MYCT1: variants seen among roughly 807,000 people sequenced by gnomAD.
MYCT1 encodes the protein myc target protein 1.
MYCT1 carries 12 observed loss-of-function variants against 15.0 expected under a neutral mutation model. The observed-to-expected ratio is 0.80, with a 90% CI of 0.51 to 1.29. MYCT1 has a LOEUF of 1.29. Among genes scored for constraint, MYCT1 ranks in the 50% most tolerant of loss-of-function variants. The pLI is 0.00. For missense variants in MYCT1, 287 were observed against 279.1 expected, an observed-to-expected ratio of 1.03 and a Z score of -0.20; for synonymous variants, 104 against 102.7, an observed-to-expected ratio of 1.01 and a Z score of -0.07.
At chr6:152,732,527 T>C in the MYCT1 span, among the ~76,000 whole-genome samples, 2 of 152,110 alleles carry the variant, frequency 1.3e-5, no homozygotes, top group Non-Finnish European at 2.9e-5. Context: ...GCAATAAAAA[T>C]ACATAAATAT....
At chr6:152,714,293 T>C (rs2099723249) in intron 1 of MYCT1, among the ~76,000 whole-genome samples, 1 of 140,250 alleles carries the variant, frequency 7.1e-6, no homozygotes, top group Non-Finnish European at 1.5e-5. Context: ...ATTTCCTCTA[T>C]TTTTTCTTTT....
chr6:152,744,711 A>G, the MYCT1 span, among the ~76,000 whole-genome samples: 3 of 152,118 alleles, frequency 2.0e-5, no homozygotes, highest in African/African-American at 4.8e-5. Context: ...TCCAACCAGC[A>G]CGTCTCTTTT....
chr6:152,705,961 T>C, intron 1 of MYCT1: 3 of 783,052 alleles, frequency 3.8e-6, no homozygotes, highest in South Asian at 1.3e-5. Flanking sequence ...AAAGCAATTA[T>C]TGACCCAACA....
At position 152,721,828 on chromosome 6, in the gene MYCT1, C is replaced by G. The variant is rs201800680; in HGVS notation, c.283C>G (p.Arg95Gly). The G allele has an allele frequency of 6.2e-7, 1 of 1,613,960 alleles. No individual in the cohort carries two copies. The highest frequency in any genetic ancestry group is 8.5e-7 in the Non-Finnish European group (1 of 1,180,000). The change falls in exon 2 of 2, where the codon CGA (arginine) becomes GGA (glycine). Residue 95 changes from arginine to glycine, a missense_variant. Arg to Gly is a moderately radical substitution (Grantham distance 125, BLOSUM62 -2). Coordinates refer to ENST00000367245, the MANE Select transcript of MYCT1 (RefSeq NM_025107.3). ...TTGGGCTGTGTTCATTTGTCTGTCT[C>G]GAAGAAGAAGAGCCAGTGCTCCCAT... is the stretch of plus-strand genomic sequence containing the variant. ...FIWAVFICLS[R>G]RRRASAPISQ...
intron 1 of MYCT1, among the ~76,000 whole-genome samples, chr6:152,708,750 C>G (rs974758577): frequency 6.6e-6 from 1 of 151,814 alleles, no homozygotes; most frequent in Non-Finnish European, 1.5e-5. Flanking sequence ...CTTAAAGATC[C>G]CAGTTTTCAT....
rs1166871223 is a variant in MYCT1, at chr6:152,724,498, T to A, written c.*2245T>A. 2 of 152,164 alleles carry A rather than the reference T, an allele frequency of 1.3e-5. No individual in the cohort carries two copies. Among genetic ancestry groups the A allele is most frequent in the Non-Finnish European group, 2.9e-5 (2 of 68,016 alleles). The allele number at this position is 152,164 out of a possible 1,614,324, so 9.4% of individuals were successfully genotyped here. A position where few individuals can be genotyped will look rare whatever the true frequency, so the allele number is the denominator to read the frequency against. On this transcript the variant is annotated 3_prime_UTR_variant, in exon 2 of 2. Coordinates refer to ENST00000367245, the MANE Select transcript of MYCT1 (RefSeq NM_025107.3). ...TGAAATGTGAAATTAAAGCAAAAAC[T>A]GGAGACTTTTAATGTATTTCTTTAA...
chr6:152,714,519 C>T (rs4386828), intron 1 of MYCT1, among the ~76,000 whole-genome samples: 7 of 150,714 alleles, frequency 4.6e-5, no homozygotes, highest in African/African-American at 9.7e-5. Context: ...TCACATGTTT[C>T]GATATTTCAC....
chr6:152,741,213 A>G, the MYCT1 span, among the ~76,000 whole-genome samples: 3 of 152,112 alleles, frequency 2.0e-5, no homozygotes, highest in Non-Finnish European at 2.9e-5. Flanking sequence ...AACAGTCTAA[A>G]TAGAACCCCC....
intron 1 of MYCT1, among the ~76,000 whole-genome samples, chr6:152,718,932 T>C (rs1392181458): frequency 6.6e-6 from 1 of 152,178 alleles, no homozygotes; most frequent in Non-Finnish European, 1.5e-5. Flanking sequence ...GGACATATAC[T>C]TTGTAAATTT....
chr6:152,730,077 T>C, the MYCT1 span, among the ~76,000 whole-genome samples: 1 of 152,250 alleles, frequency 6.6e-6, no homozygotes, highest in East Asian at 1.9e-4. Flanking sequence ...TCAAAATGCA[T>C]TTTAAAACTT....
intron 1 of MYCT1, among the ~76,000 whole-genome samples, chr6:152,713,216 A>G (rs1246613259): frequency 6.6e-6 from 1 of 151,290 alleles, no homozygotes; most frequent in East Asian, 1.9e-4. Flanking sequence ...TTTAGTTCTC[A>G]TTTTTTTAGT....
the MYCT1 span, among the ~76,000 whole-genome samples, chr6:152,733,222 G>A: frequency 6.6e-6 from 1 of 152,018 alleles, no homozygotes; most frequent in African/African-American, 2.4e-5. Context: ...TGCCACATCA[G>A]CCTCCAGAGA....
chr6:152,706,530 G>A (rs762709008), intron 1 of MYCT1, among the ~76,000 whole-genome samples: 4 of 151,994 alleles, frequency 2.6e-5, no homozygotes, highest in African/African-American at 7.2e-5. Context: ...GAGAATAATC[G>A]TGTACAAAGT....
At chr6:152,704,163 A>C (rs2099721849) in intron 1 of MYCT1, among the ~76,000 whole-genome samples, 1 of 151,484 alleles carries the variant, frequency 6.6e-6, no homozygotes, top group African/African-American at 2.4e-5. Flanking sequence ...CACCAGGCTA[A>C]TTTTTTTCTT....
At chr6:152,733,026 A>AT in the MYCT1 span, among the ~76,000 whole-genome samples, 1 of 151,840 alleles carries the variant, frequency 6.6e-6, no homozygotes. Context: ...TAGACACTTC[A>AT]TTTTTTATTT....
chr6:152,726,245 A>C (rs558543873), downstream of MYCT1, among the ~76,000 whole-genome samples: 5 of 152,118 alleles, frequency 3.3e-5, no homozygotes, highest in African/African-American at 1.2e-4. Flanking sequence ...AAAAATACAA[A>C]ATTAGCCAGG....
intron 1 of MYCT1, among the ~76,000 whole-genome samples, chr6:152,709,268 A>G (rs2099722799): frequency 2.8e-5 from 1 of 35,090 alleles, no homozygotes; most frequent in Non-Finnish European, 6.1e-5. Context: ...ATTGTTGGAC[A>G]TTTGGGTTGG....
At chr6:152,743,971 T>G in the MYCT1 span, among the ~76,000 whole-genome samples, 2 of 151,910 alleles carry the variant, frequency 1.3e-5, no homozygotes, top group African/African-American at 4.8e-5. Flanking sequence ...ACAGGGAGAG[T>G]TTCTTTCCTG....
the MYCT1 span, among the ~76,000 whole-genome samples, chr6:152,741,138 T>A: frequency 2.0e-5 from 3 of 152,148 alleles, no homozygotes; most frequent in African/African-American, 7.2e-5. Flanking sequence ...ATGTTTCCAG[T>A]CTAGGTAAAG....
Sources: allele counts gnomAD v4.1 joint callset (sites outside exome capture counted in the v4.1 genomes callset), GRCh38; gene constraint gnomAD v4.1.1; transcripts MANE v1.5; gene names NCBI Gene and HGNC (gene_info 2026-07-23, HGNC 2026-07-21).